SHLD1: variants seen among roughly 807,000 people sequenced by gnomAD.
SHLD1 encodes the protein RINN1-REV7-interacting novel NHEJ regulator 3.
A neutral mutation model predicts 5.5 loss-of-function variants in SHLD1; 3 were observed. That is an observed-to-expected ratio of 0.54 (90% CI 0.25 to 1.40). The LOEUF is 1.40. Ranked by LOEUF, SHLD1 falls within the 40% of genes most tolerant of loss-of-function variation. The pLI is 0.15. For missense variants in SHLD1, 210 were observed against 244.4 expected (o/e 0.86, Z 0.94); for synonymous variants, 92 against 94.3 (o/e 0.98, Z 0.14).
intron 2 of SHLD1, among the ~76,000 whole-genome samples, chr20:5,835,624 C>T (rs1451215547): frequency 1.3e-5 from 2 of 152,158 alleles, no homozygotes; most frequent in Non-Finnish European, 2.9e-5. Context: ...CATGTGAGTG[C>T]CAGGGCTTTC....
chr20:5,846,843 A>C (rs2087938306), intron 2 of SHLD1, among the ~76,000 whole-genome samples: 1 of 152,240 alleles, frequency 6.6e-6, no homozygotes, highest in South Asian at 2.1e-4. Context: ...CCGATCCTTT[A>C]ACTTGGTTAT....
At position 5,863,266 on chromosome 20, in the gene SHLD1, G is replaced by A; in HGVS notation, c.421G>A (p.Ala141Thr). ...AAGAGGCCAGGAGAGCCAAAAGTAT[G>A]CCCTCCGCAGTTTTCAAATGGCCCG... ...QLRGQESQKY[A>T]LRSFQMARVI... The change falls in exon 3 of 3, where the codon GCC (alanine) becomes ACC (threonine). Residue 141 changes from alanine to threonine, a missense_variant. Ala to Thr is a moderately conservative substitution (Grantham distance 58). Transcript: ENST00000303142. 1.2e-6 allele frequency: 2 copies of A among 1,614,186 alleles called. No individual in the cohort carries two copies. The highest frequency in any genetic ancestry group is 1.7e-6 in the Non-Finnish European group (2 of 1,180,040).
intron 2 of SHLD1, among the ~76,000 whole-genome samples, chr20:5,802,561 G>T (rs2087309215): frequency 6.6e-6 from 1 of 152,254 alleles, no homozygotes; most frequent in African/African-American, 2.4e-5. Flanking sequence ...ATCCATGTTA[G>T]CCATCGATGT....
intron 2 of SHLD1, among the ~76,000 whole-genome samples, chr20:5,815,132 A>C (rs911763494): frequency 6.6e-6 from 1 of 152,108 alleles, no homozygotes; most frequent in African/African-American, 2.4e-5. Flanking sequence ...TCTCCTGAGC[A>C]GATACGCTTG....
Position 5,806,495 on chromosome 20 carries a change from T to C in SHLD1, c.178+33452T>C, listed in dbSNP as rs2087377753. Among the ~76,000 whole-genome samples, 1 of 152,212 alleles carries C rather than the reference T, an allele frequency of 6.6e-6. No individual in the cohort carries two copies. Among genetic ancestry groups the C allele is most frequent in the African/African-American group, 2.4e-5 (1 of 41,456 alleles). On this transcript the variant is annotated intron_variant, in intron 2 of 2. Coordinates refer to ENST00000303142, the MANE Select transcript of SHLD1 (RefSeq NM_152504.4). This position sits in a 1 kb window ranked among gnomAD's most constrained non-coding sequence, Gnocchi z 7.6. ...ATACATGCCTTGTGTTCATTTCCTC[T>C]CCTACCAGTCAGGCATGCAGTTTTG...
At position 5,797,652 on chromosome 20, in the gene SHLD1, G is replaced by C. The variant is rs946832166; in HGVS notation, c.178+24609G>C. Among the ~76,000 whole-genome samples, 6 of 152,192 alleles carry C rather than the reference G, an allele frequency of 3.9e-5. No homozygotes were observed. In the South Asian group the frequency reaches 6.2e-4, roughly 16 times the overall value. ...CTTACTTACTAGACACAGTATTATA[G>C]TATCTGTGACAGTGATGGGCATGTA... On this transcript the variant is annotated intron_variant, in intron 2 of 2. Transcript: ENST00000303142.
Position 5,863,695 on chromosome 20 carries a change from G to T in SHLD1, c.*232G>T. 2.1e-6 allele frequency: 1 copy of T among 484,424 alleles called. No homozygotes were observed. Among genetic ancestry groups the T allele is most frequent in the Non-Finnish European group, 3.6e-6 (1 of 276,388 alleles). 30.0% of individuals were successfully genotyped at this position (484,424 alleles called of 1,614,324 possible). On this transcript the variant is annotated 3_prime_UTR_variant, in exon 3 of 3. Coordinates refer to ENST00000303142, the MANE Select transcript of SHLD1 (RefSeq NM_152504.4). ...GTCCTCTTGGCCAAGGCCGCTGACT[G>T]ACTGGGCTACGAGTCAAAAGCCCAG...
At chr20:5,821,167 C>T (rs994982381) in intron 2 of SHLD1, among the ~76,000 whole-genome samples, 14 of 152,190 alleles carry the variant, frequency 9.2e-5, no homozygotes, top group African/African-American at 3.4e-4. Context: ...TAAAAATTGC[C>T]TGGAAGTCTG....
chr20:5,799,394 G>A lies in SHLD1; in HGVS notation c.178+26351G>A, dbSNP rs556996183. Among the ~76,000 whole-genome samples the A allele has an allele frequency of 1.1e-3, 168 of 151,604 alleles. 2 individuals carry two copies. Among genetic ancestry groups the A allele is most frequent in the African/African-American group, 3.7e-3 (154 of 41,296 alleles). Reference sequence around the variant, plus strand: ...TGGCTCACTGCGGCCTCAACTTCCCGGGTTCAAACAATCCTCCTATCTTGG... The same window carrying A: ...TGGCTCACTGCGGCCTCAACTTCCCAGGTTCAAACAATCCTCCTATCTTGG... On this transcript the variant is annotated intron_variant, in intron 2 of 2. Transcript: ENST00000303142.
intron 2 of SHLD1, among the ~76,000 whole-genome samples, chr20:5,801,938 C>CTGTG (rs3058146): frequency 0.23 from 35,440 of 151,904 alleles, 4,236 homozygotes; most frequent in Middle Eastern, 0.32. Context: ...GTGCCTAGTA[C>CTGTG]TGTGTGTGCT....
At chr20:5,820,129 G>A (rs2087589856) in intron 2 of SHLD1, among the ~76,000 whole-genome samples, 1 of 151,994 alleles carries the variant, frequency 6.6e-6, no homozygotes, top group Non-Finnish European at 1.5e-5. Context: ...TCTATTTTTA[G>A]TAGAGACAAG....
At chr20:5,801,043 A>G (rs1022191485) in intron 2 of SHLD1, among the ~76,000 whole-genome samples, 7 of 150,260 alleles carry the variant, frequency 4.7e-5, no homozygotes, top group Non-Finnish European at 8.9e-5. Context: ...TCAGAGGGCT[A>G]GTTGTTTAGG....
In SHLD1 at chr20:5,798,033, G is replaced by A. The variant is rs2087236412; in HGVS notation, c.178+24990G>A. Among the ~76,000 whole-genome samples, 5 of 152,206 alleles carry A rather than the reference G, an allele frequency of 3.3e-5. No individual in the cohort carries two copies. The South Asian group carries it at 1.0e-3, about 32-fold the overall frequency. ...CAATTTTGTGGGTTGATGTGCTTCAGCTGAGTGGTTCTTATGGTCCATGTG... is the reference window on the plus strand; with the variant it reads ...CAATTTTGTGGGTTGATGTGCTTCAACTGAGTGGTTCTTATGGTCCATGTG... On this transcript the variant is annotated intron_variant, in intron 2 of 2. Coordinates refer to ENST00000303142, the MANE Select transcript of SHLD1 (RefSeq NM_152504.4).
At chr20:5,849,953 G>C (rs1257064576) in intron 2 of SHLD1, among the ~76,000 whole-genome samples, 1 of 127,084 alleles carries the variant, frequency 7.9e-6, no homozygotes, top group Non-Finnish European at 1.6e-5. Flanking sequence ...GCGACAGAGC[G>C]AGACTCCGTC....
chr20:5,770,401 TTTC>T (rs1355104969), intron 1 of SHLD1, among the ~76,000 whole-genome samples: 1 of 152,230 alleles, frequency 6.6e-6, no homozygotes, highest in East Asian at 1.9e-4. Flanking sequence ...GGTTTAGTTT[TTTC>T]TTCATCTTCC....
intron 2 of SHLD1, among the ~76,000 whole-genome samples, chr20:5,832,413 A>G (rs1341235800): frequency 1.3e-5 from 2 of 152,196 alleles, no homozygotes; most frequent in Non-Finnish European, 2.9e-5. Flanking sequence ...TTGCTGGAAA[A>G]TAGTAAGCCA....
chr20:5,855,150 T>A lies in SHLD1; in HGVS notation c.179-7874T>A, dbSNP rs575557283. On this transcript the variant is annotated intron_variant, in intron 2 of 2. Coordinates refer to ENST00000303142, the MANE Select transcript of SHLD1 (RefSeq NM_152504.4). This position sits in a 1 kb window ranked among gnomAD's most constrained non-coding sequence, Gnocchi z 4.4. ...GCCTTGGCCTCCTAAAGTGCTGGGA[T>A]TACAGGTGTGAGCCATAGCACCCAA... is the stretch of plus-strand genomic sequence containing the variant. 8.5e-4 allele frequency among the ~76,000 whole-genome samples: 129 copies of A among 152,176 alleles called. No homozygotes were observed. Among genetic ancestry groups the A allele is most frequent in the African/African-American group, 3.0e-3 (125 of 41,498 alleles).
At chr20:5,772,626 T>G (rs1985227471) in intron 1 of SHLD1, among the ~76,000 whole-genome samples, 1 of 152,038 alleles carries the variant, frequency 6.6e-6, no homozygotes, top group South Asian at 2.1e-4. Context: ...CTTTAAAATT[T>G]TTTGGGTGGG....
intron 2 of SHLD1, among the ~76,000 whole-genome samples, chr20:5,775,751 T>A (rs1193435880): frequency 6.6e-6 from 1 of 151,978 alleles, no homozygotes; most frequent in Non-Finnish European, 1.5e-5. Flanking sequence ...TGTACCTGTC[T>A]CCTTATTTGT....
Sources: gnomAD v4.1 joint callset for allele counts (sites outside exome capture counted in the v4.1 genomes callset) on GRCh38, gnomAD v4.1.1 for gene constraint, Gnocchi (gnomAD v3.1) non-coding constraint, MANE v1.5 for transcripts, NCBI Gene and HGNC (gene_info 2026-07-23, HGNC 2026-07-21) for gene names.